The following FRG1 variants were observed in gnomAD, a reference collection of about 807,000 sequenced individuals.
FRG1 encodes the protein FSHD region gene 1, also known as protein FRG1.
Under a neutral mutation model 37.0 loss-of-function variants are expected in FRG1, and 19 were observed. That is an observed-to-expected ratio of 0.51 (90% confidence interval 0.36 to 0.75). FRG1 has a LOEUF of 0.75. Ranked by LOEUF, FRG1 falls within the 30% of genes least tolerant of loss-of-function variation. FRG1 has a pLI of 0.00. For missense variants in FRG1, 243 were observed against 301.4 expected (o/e 0.81, Z 1.44); for synonymous variants, 73 against 96.5 (o/e 0.76, Z 1.43).
intron 2 of FRG1, among the ~76,000 whole-genome samples, chr4:189,945,656 T>TG (rs796953898): frequency 2.8e-4 from 40 of 145,286 alleles, no homozygotes; most frequent in African/African-American, 4.1e-4. Flanking sequence ...TGTTTGTGTT[T>TG]TTTGTTTTTT....
rs533060181 is a variant in FRG1 at position 189,945,380 on chromosome 4, T to C, written c.133+2108T>C. On this transcript the variant is annotated intron_variant, in intron 2 of 8. Transcript: ENST00000226798. ...GTAGTCCACCATATGGTATGACGTC[T>C]GTAGGATCTGCAGAGAAAACTTTTA... Among the ~76,000 whole-genome samples, 5 of 152,330 alleles carry C rather than the reference T, an allele frequency of 3.3e-5. No individual in the cohort carries two copies. The South Asian group carries it at 1.0e-3, about 32-fold the overall frequency.
intron 4 of FRG1, 29 bp downstream of exon 4, chr4:189,953,154 ACC>A (rs1736833687): frequency 6.5e-7 from 1 of 1,538,638 alleles, no homozygotes; most frequent in Non-Finnish European, 8.7e-7. Context: ...ATAATTAGTA[ACC>A]AGTTATTTTA....
intron 2 of FRG1, among the ~76,000 whole-genome samples, chr4:189,951,774 C>T (rs1736763661): frequency 6.6e-6 from 1 of 152,108 alleles, no homozygotes; most frequent in South Asian, 2.1e-4. Context: ...AAGTGATCCT[C>T]TTTCCCCAGC....
rs532154624 is a variant in FRG1 at position 189,948,520 on chromosome 4, A to G, written c.134-3642A>G. 1.2e-3 allele frequency among the ~76,000 whole-genome samples: 186 copies of G among 152,306 alleles called. 2 individuals are homozygous for G. Among genetic ancestry groups the G allele is most frequent in the African/African-American group, 4.2e-3 (174 of 41,576 alleles). On this transcript the variant is annotated intron_variant, in intron 2 of 8. Transcript: ENST00000226798. The stretch of plus-strand genomic sequence containing the variant: ...AATTCCATTTCCAAATCTAAGATAT[A>G]TCATTCCTTTGTGCCAAGCACATAA...
intron 8 of FRG1, among the ~76,000 whole-genome samples, chr4:189,962,522 G>C (rs553281266): frequency 6.6e-6 from 1 of 152,046 alleles, no homozygotes; most frequent in African/African-American, 2.4e-5. Flanking sequence ...ATCACCAGCC[G>C]CTCATTCAAG....
chr4:189,959,686 C>T (rs1006558576), intron 6 of FRG1, among the ~76,000 whole-genome samples: 2 of 152,192 alleles, frequency 1.3e-5, no homozygotes, highest in Non-Finnish European at 2.9e-5. Flanking sequence ...TGCACTTATA[C>T]AAAGATACAA....
chr4:189,942,422 C>G (rs1411616842), intron 1 of FRG1, among the ~76,000 whole-genome samples: 1 of 152,180 alleles, frequency 6.6e-6, no homozygotes, highest in Non-Finnish European at 1.5e-5. Flanking sequence ...CTAATCCGCT[C>G]TCTATGTGAA....
chr4:189,942,248 T>C (rs1486027449), intron 1 of FRG1, among the ~76,000 whole-genome samples: 2 of 152,210 alleles, frequency 1.3e-5, no homozygotes, highest in African/African-American at 4.8e-5. Context: ...TAATTCATAA[T>C]TATAAAATTC....
Position 189,960,897 on chromosome 4 carries a change from G to A in FRG1, c.629+58G>A, listed in dbSNP as rs1431824679. 5.1e-6 allele frequency: 8 copies of A among 1,570,900 alleles called. No individual in the cohort carries two copies. In the Admixed American group the frequency reaches 1.3e-4, roughly 25 times the overall value. On this transcript the variant is annotated intron_variant, in intron 7 of 8. Coordinates refer to ENST00000226798, the MANE Select transcript of FRG1 (RefSeq NM_004477.3). ...TTGACAGTGAAGTGCTTCTCAAAGT[G>A]CTTTCAAAATAAATTACCTACTTAG...
Position 189,941,015 on chromosome 4 carries a change from C to T in FRG1, c.6C>T (p.Ala2=), listed in dbSNP as rs140751102. 6.2e-7 allele frequency: 1 copy of T among 1,613,882 alleles called. No homozygotes were observed. Among genetic ancestry groups the T allele is most frequent in the South Asian group, 1.1e-5 (1 of 91,076 alleles). The change falls in exon 1 of 9, where the codon GCC becomes GCT. Residue 2 remains alanine, a synonymous_variant. Transcript: ENST00000226798. M[A]EYSYVKSTKL... is the part of the protein sequence containing the mutation. ...CGCAGAAGTTTCCCGGAGCCATGGCCGAGTACTCCTACGTGAAGTCTACCA... is the reference window on the plus strand; with the variant it reads ...CGCAGAAGTTTCCCGGAGCCATGGCTGAGTACTCCTACGTGAAGTCTACCA...
intron 8 of FRG1, 152 bp downstream of exon 8, chr4:189,962,084 G>A (rs957319564): frequency 2.2e-5 from 13 of 581,300 alleles, no homozygotes; most frequent in African/African-American, 3.9e-5. Flanking sequence ...AGAGGACATC[G>A]TAAGTTTGGG....
chr4:189,955,935 C>G (rs1272028957), intron 5 of FRG1, among the ~76,000 whole-genome samples: 1 of 152,154 alleles, frequency 6.6e-6, no homozygotes, highest in Non-Finnish European at 1.5e-5. Context: ...AAAATAGGAA[C>G]TCAGCAGTGT....
At position 189,960,668 on chromosome 4, in the gene FRG1, A is replaced by G. The variant is rs111519365; in HGVS notation, c.538-80A>G. 1.5e-3 allele frequency: 1,808 copies of G among 1,219,682 alleles called. 25 individuals are homozygous for G. In the African/African-American group the frequency reaches 0.025, roughly 17 times the overall value. 75.6% of individuals were successfully genotyped at this position (1,219,682 alleles called of 1,614,324 possible). On this transcript the variant is annotated intron_variant, in intron 6 of 8. Transcript: ENST00000226798. ...TTCTTCTGCATAAGAAATCATCTCG[A>G]ATGTTCTTATGTGATACGTAAAGTG...
chr4:189,952,564 A>G (rs1334185148), intron 3 of FRG1, among the ~76,000 whole-genome samples: 1 of 152,250 alleles, frequency 6.6e-6, no homozygotes, highest in Non-Finnish European at 1.5e-5. Context: ...AGAAAAAAGA[A>G]AACCTATTTG....
chr4:189,943,376 C>A, intron 2 of FRG1, 104 bp downstream of exon 2: 1 of 1,260,610 alleles, frequency 7.9e-7, no homozygotes, highest in Non-Finnish European at 1.1e-6. Context: ...TCATATTTGT[C>A]TTAAAGTGCT....
intron 5 of FRG1, among the ~76,000 whole-genome samples, chr4:189,957,135 A>G (rs1737015103): frequency 6.6e-6 from 1 of 152,232 alleles, no homozygotes; most frequent in Admixed American, 6.5e-5. Context: ...TTAGAAAGGA[A>G]GCAATCCTAC....
intron 1 of FRG1, among the ~76,000 whole-genome samples, chr4:189,942,587 T>A (rs6820684): frequency 0.3 from 44,993 of 152,174 alleles, 6,750 homozygotes; most frequent in Middle Eastern, 0.43. Context: ...TGTATCATTT[T>A]GTTCATCCAT....
chr4:189,960,441 C>G (rs1340879775), intron 6 of FRG1, among the ~76,000 whole-genome samples: 1 of 152,162 alleles, frequency 6.6e-6, no homozygotes, highest in East Asian at 1.9e-4. Flanking sequence ...ACTTGGAGGA[C>G]AAAATTAAAT....
chr4:189,945,886 C>T (rs544450640), intron 2 of FRG1, among the ~76,000 whole-genome samples: 39 of 152,000 alleles, frequency 2.6e-4, no homozygotes, highest in African/African-American at 8.0e-4. Context: ...CAGCTGAACC[C>T]GGAGGGTTTT....
Sources: allele counts gnomAD v4.1 joint callset (sites outside exome capture counted in the v4.1 genomes callset), GRCh38; gene constraint gnomAD v4.1.1; transcripts MANE v1.5; gene names NCBI Gene and HGNC (gene_info 2026-07-23, HGNC 2026-07-21).